The following DZANK1 variants were observed in gnomAD, a reference collection of about 807,000 sequenced individuals.
DZANK1 encodes the protein double zinc ribbon and ankyrin repeat-containing protein 1.
In DZANK1, 91 loss-of-function variants were observed where a neutral mutation model predicts 94.5. That is an observed-to-expected ratio of 0.96 (90% CI 0.81 to 1.15). DZANK1 has a LOEUF of 1.15. DZANK1 is among the 50% of genes most tolerant of loss of function. The pLI, the probability that DZANK1 is intolerant of heterozygous loss-of-function variation, is 0.00. For synonymous variants in DZANK1, 312 were observed against 325.3 expected (o/e 0.96, Z 0.44); for missense variants, 903 against 916.4 (o/e 0.99, Z 0.19).
chr20:18,461,522 T>A (rs527384033), intron 2 of DZANK1, among the ~76,000 whole-genome samples: 1 of 152,274 alleles, frequency 6.6e-6, no homozygotes, highest in East Asian at 1.9e-4. Flanking sequence ...TTGTAAAGAA[T>A]TATTTCTGTA....
chr20:18,413,796 G>A (rs973038511), intron 12 of DZANK1, among the ~76,000 whole-genome samples: 3 of 151,956 alleles, frequency 2.0e-5, no homozygotes, highest in African/African-American at 7.3e-5. Context: ...AAAAGGTCAT[G>A]AACTCCCTAA....
intron 9 of DZANK1, among the ~76,000 whole-genome samples, chr20:18,429,127 A>T (rs548562333): frequency 7.2e-5 from 11 of 152,232 alleles, no homozygotes; most frequent in Non-Finnish European, 1.2e-4. Context: ...GTTGCCTCAG[A>T]AAAGATCTGG....
At chr20:18,435,922 A>G (rs2058502868) in intron 8 of DZANK1, among the ~76,000 whole-genome samples, 1 of 152,218 alleles carries the variant, frequency 6.6e-6, no homozygotes, top group African/African-American at 2.4e-5. Context: ...CCAAGTAAAC[A>G]AAACACAAAA....
chr20:18,409,580 A>ACACAC (rs1416918028), intron 13 of DZANK1, among the ~76,000 whole-genome samples: 2 of 138,270 alleles, frequency 1.4e-5, no homozygotes, highest in African/African-American at 5.2e-5. Flanking sequence ...ACACACACAC[A>ACACAC]CACCACCACC....
intron 19 of DZANK1, among the ~76,000 whole-genome samples, chr20:18,386,382 A>AG (rs1467391449): frequency 6.6e-6 from 1 of 152,212 alleles, no homozygotes; most frequent in African/African-American, 2.4e-5. Flanking sequence ...CAGACATCTG[A>AG]GAAAAACCTG....
At chr20:18,386,480 ATAATATTGCACAAAAGTATGAGAC>A (rs1292588540) in intron 19 of DZANK1, among the ~76,000 whole-genome samples, 2 of 152,238 alleles carry the variant, frequency 1.3e-5, no homozygotes, top group Non-Finnish European at 1.5e-5. Flanking sequence ...ATGAGTCAAG[ATAATATTGCACAAAAGTATGAGAC>A]TATGAAAAAG....
chr20:18,412,224 GTGCTGGGAT>G (rs1391627322), intron 13 of DZANK1, among the ~76,000 whole-genome samples: 1 of 152,174 alleles, frequency 6.6e-6, no homozygotes, highest in African/African-American at 2.4e-5. Flanking sequence ...GCCTCCCAAA[GTGCTGGGAT>G]TGCAGGCATG....
chr20:18,415,560 GT>G (rs3830934), intron 10 of DZANK1, 111 bp from the exon 11 acceptor site: 16 of 1,189,738 alleles, frequency 1.3e-5, no homozygotes, highest in South Asian at 3.9e-5. Flanking sequence ...CGGAAATAGT[GT>G]TTTTTTTGTT....
At chr20:18,399,879 C>T (rs557262824) in intron 13 of DZANK1, among the ~76,000 whole-genome samples, 4 of 152,306 alleles carry the variant, frequency 2.6e-5, no homozygotes, top group African/African-American at 9.6e-5. Context: ...ACTCTGCAAA[C>T]CCACATTGGA....
Position 18,452,741 on chromosome 20 carries a change from T to C in DZANK1, c.476-59A>G. The stretch of plus-strand genomic sequence containing the variant: ...CAGTTCTTTCACCTACCTGGACGTC[T>C]ACAATGATATTAAAAACATTATTCT... On this transcript the variant is annotated intron_variant, in intron 5 of 20. Coordinates refer to ENST00000262547, the Ensembl canonical transcript of DZANK1. 2 of 1,556,570 alleles carry C rather than the reference T, an allele frequency of 1.3e-6. No homozygotes were observed. Among genetic ancestry groups the C allele is most frequent in the African/African-American group, 1.4e-5 (1 of 73,114 alleles).
At chr20:18,389,382 T>C (rs1042125325) in intron 19 of DZANK1, among the ~76,000 whole-genome samples, 2 of 152,198 alleles carry the variant, frequency 1.3e-5, no homozygotes, top group Admixed American at 1.3e-4. Context: ...TCACGATTCA[T>C]GATGAAAACA....
intron 10 of DZANK1, among the ~76,000 whole-genome samples, chr20:18,424,177 C>T (rs947203335): frequency 1.3e-5 from 2 of 152,126 alleles, no homozygotes; most frequent in African/African-American, 2.4e-5. Context: ...CGGCCGGGCG[C>T]GGTGGCTCAT....
At chr20:18,427,606 G>GGGGGGTGTGTGT (rs112783791) in intron 9 of DZANK1, among the ~76,000 whole-genome samples, 1 of 148,692 alleles carries the variant, frequency 6.7e-6, no homozygotes, top group African/African-American at 2.5e-5. Context: ...TGTAAGGTTG[G>GGGGGGTGTGTGT]GTGTGTGTGT....
chr20:18,426,382 A>T (rs148406695), intron 10 of DZANK1, among the ~76,000 whole-genome samples: 25 of 151,616 alleles, frequency 1.6e-4, no homozygotes, highest in African/African-American at 5.6e-4. Flanking sequence ...TGTAGACCAT[A>T]ATAACCACAT....
At chr20:18,406,421 A>C (rs2056968219) in intron 13 of DZANK1, among the ~76,000 whole-genome samples, 1 of 152,216 alleles carries the variant, frequency 6.6e-6, no homozygotes, top group Non-Finnish European at 1.5e-5. Context: ...CCTAGCTCCC[A>C]GCTGACATTT....
intron 14 of DZANK1, among the ~76,000 whole-genome samples, chr20:18,396,783 A>C (rs1244821863): frequency 6.6e-6 from 1 of 152,230 alleles, no homozygotes; most frequent in Admixed American, 6.5e-5. Flanking sequence ...ATTATAAATA[A>C]ACTACTCTAA....
chr20:18,455,176 G>C, intron 4 of DZANK1, 71 bp downstream of exon 4: 1 of 1,156,680 alleles, frequency 8.6e-7, no homozygotes, highest in Non-Finnish European at 1.3e-6. Flanking sequence ...TAAAAGGCAA[G>C]ATCTGCTCAC....
intron 3 of DZANK1, among the ~76,000 whole-genome samples, chr20:18,456,514 A>G (rs1482783251): frequency 6.6e-6 from 1 of 152,266 alleles, no homozygotes; most frequent in Non-Finnish European, 1.5e-5. Flanking sequence ...GTATCACCAC[A>G]GTGGAAATAT....
intron 10 of DZANK1, among the ~76,000 whole-genome samples, chr20:18,423,407 C>T (rs1405352092): frequency 6.6e-6 from 1 of 152,114 alleles, no homozygotes. Flanking sequence ...TTCCAATACC[C>T]CGTTTTCATT....
Sources: allele counts gnomAD v4.1 joint callset (sites outside exome capture counted in the v4.1 genomes callset), GRCh38; gene constraint gnomAD v4.1.1; transcripts MANE v1.5; gene names NCBI Gene and HGNC (gene_info 2026-07-23, HGNC 2026-07-21).